Variants in SORBS2 observed in about 807,000 individuals in gnomAD.
SORBS2 encodes sorbin and SH3 domain containing 2, also known as sorbin and SH3 domain-containing protein 2.
SORBS2 carries 46 observed loss-of-function variants against 97.7 expected under a neutral mutation model. The ratio of observed to expected loss-of-function variants is 0.47; its 90% CI spans 0.37 to 0.60. The LOEUF is 0.60. Ranked by LOEUF, SORBS2 falls within the 20% of genes least tolerant of loss-of-function variation. The pLI, the probability that SORBS2 is intolerant of heterozygous loss-of-function variation, is 0.00. For synonymous variants in SORBS2, 476 were observed against 473.4 expected (o/e 1.01, Z -0.07); for missense variants, 1,316 against 1,282.3 (o/e 1.03, Z -0.40).
At chr4:185,912,868 ACACT>A (rs1017686378) in intron 1 of SORBS2, among the ~76,000 whole-genome samples, 5 of 152,178 alleles carry the variant, frequency 3.3e-5, no homozygotes, top group Admixed American at 3.3e-4. Flanking sequence ...ATAGCATTAA[ACACT>A]CACCTTCCCG....
At chr4:185,597,911 C>T (rs9991085) in intron 12 of SORBS2, among the ~76,000 whole-genome samples, 8,445 of 152,248 alleles carry the variant, frequency 0.055, 519 homozygotes, top group African/African-American at 0.14. Context: ...GTGGAATAGA[C>T]AGTCATCTGT....
intron 2 of SORBS2, among the ~76,000 whole-genome samples, chr4:185,705,875 A>G (rs1001764604): frequency 3.9e-5 from 6 of 152,128 alleles, no homozygotes; most frequent in Non-Finnish European, 2.9e-5. Flanking sequence ...GCTATTGGAC[A>G]TCTTGAATGT....
At chr4:185,652,810 T>C (rs986411782) in intron 1 of SORBS2, 82 bp from the exon 10 acceptor site, 1 of 1,036,574 alleles carries the variant, frequency 9.6e-7, no homozygotes. Context: ...CTCTATTTTA[T>C]GTTCTTAATA....
At chr4:185,682,739 A>C (rs11941643) in intron 2 of SORBS2, among the ~76,000 whole-genome samples, 1 of 152,096 alleles carries the variant, frequency 6.6e-6, no homozygotes, top group African/African-American at 2.4e-5. Flanking sequence ...GGCCAGGTGT[A>C]GTGGCTCAGG....
At chr4:185,616,305 G>C (rs1156561604) in intron 9 of SORBS2, among the ~76,000 whole-genome samples, 1 of 152,178 alleles carries the variant, frequency 6.6e-6, no homozygotes, top group Non-Finnish European at 1.5e-5. Context: ...TATATTAAAA[G>C]AATGATCACA....
intron 1 of SORBS2, among the ~76,000 whole-genome samples, chr4:185,806,184 GTGT>G (rs1040693557): frequency 6.6e-6 from 1 of 152,208 alleles, no homozygotes; most frequent in Non-Finnish European, 1.5e-5. Context: ...TGCCTCTGTG[GTGT>G]TACCTCTTCA....
Position 185,731,866 on chromosome 4 carries a change from CTATATATATATATATATATATATA to C in SORBS2, c.-198+43337_-198+43360del, listed in dbSNP as rs544211866. Among the ~76,000 whole-genome samples, 54 of 24,690 alleles carry C rather than the reference CTATATATATATATATATATATATA, an allele frequency of 2.2e-3. 1 individual carries two copies. Among genetic ancestry groups the C allele is most frequent in the Non-Finnish European group, 2.9e-3 (43 of 14,980 alleles). 16.2% of individuals were successfully genotyped at this position (24,690 alleles called of 152,430 possible). On this transcript the variant is annotated intron_variant, in intron 2 of 20. Transcript: ENST00000284776. The stretch of plus-strand genomic sequence containing the variant: ...TCTCTCTCTCTCTCTCTCTCTCTCT[CTATATATATATATATATATATATA>C]TATATATATATATATATATGTCTGT...
chr4:185,640,292 A>C (rs2097105363), intron 4 of SORBS2, among the ~76,000 whole-genome samples: 2 of 152,216 alleles, frequency 1.3e-5, no homozygotes, highest in Admixed American at 1.3e-4. Flanking sequence ...GTAGTTACAA[A>C]GGTATTACAA....
At chr4:185,856,721 G>C (rs2099220719) in intron 1 of SORBS2, among the ~76,000 whole-genome samples, 1 of 152,130 alleles carries the variant, frequency 6.6e-6, no homozygotes, top group Non-Finnish European at 1.5e-5. Context: ...TTCTCAGGTT[G>C]CTATAAGGAA....
At chr4:185,951,726 T>C (rs1416826753) in intron 1 of SORBS2, among the ~76,000 whole-genome samples, 1 of 152,226 alleles carries the variant, frequency 6.6e-6, no homozygotes, top group African/African-American at 2.4e-5. Context: ...CAGATTGTAT[T>C]GTGAAGTCAA....
At chr4:185,749,258 A>G (rs1299771614) in intron 2 of SORBS2, among the ~76,000 whole-genome samples, 1 of 152,168 alleles carries the variant, frequency 6.6e-6, no homozygotes, top group Non-Finnish European at 1.5e-5. Flanking sequence ...GCCATAGCTC[A>G]ACAGCCTGAT....
chr4:185,769,025 T>C (rs2098953922), intron 2 of SORBS2, among the ~76,000 whole-genome samples: 1 of 152,170 alleles, frequency 6.6e-6, no homozygotes, highest in South Asian at 2.1e-4. Flanking sequence ...AAATAATTGA[T>C]TTTAGGACTA....
At chr4:185,879,687 T>C (rs2099235909) in intron 1 of SORBS2, among the ~76,000 whole-genome samples, 1 of 138,572 alleles carries the variant, frequency 7.2e-6, no homozygotes, top group African/African-American at 2.6e-5. Context: ...ACCTGTTGTT[T>C]CCTGACTTTT....
At chr4:185,832,205 T>C in intron 1 of SORBS2, among the ~76,000 whole-genome samples, 1 of 152,236 alleles carries the variant, frequency 6.6e-6, no homozygotes, top group East Asian at 1.9e-4. Flanking sequence ...CATTCCCTTG[T>C]CTGGAATCTT....
exon 4 of SORBS2, chr4:185,646,780 T>C: frequency 6.4e-7 from 1 of 1,573,320 alleles, no homozygotes; most frequent in Non-Finnish European, 8.7e-7. Flanking sequence ...ATCCCAGTCA[T>C]GCCTAGAAAT....
At chr4:185,892,817 G>T (rs1027976128) in intron 1 of SORBS2, among the ~76,000 whole-genome samples, 11 of 152,140 alleles carry the variant, frequency 7.2e-5, no homozygotes, top group Non-Finnish European at 1.6e-4. Flanking sequence ...AGTTTTGGAA[G>T]ATGAAAAAAT....
chr4:185,813,569 C>T (rs894406556), intron 1 of SORBS2, among the ~76,000 whole-genome samples: 18 of 152,226 alleles, frequency 1.2e-4, no homozygotes, highest in African/African-American at 3.9e-4. Context: ...TGCCTTCGCC[C>T]TCAGCCTCCC....
At chr4:185,666,576 C>T (rs1457714072) in intron 4 of SORBS2, among the ~76,000 whole-genome samples, 2 of 152,178 alleles carry the variant, frequency 1.3e-5, no homozygotes, top group African/African-American at 4.8e-5. Flanking sequence ...CTAGAAAAAT[C>T]TAATAGCATA....
At chr4:185,767,499 C>CAAAAAAAAAAAAAAAA (rs70962594) in intron 2 of SORBS2, among the ~76,000 whole-genome samples, 1 of 60,698 alleles carries the variant, frequency 1.6e-5, no homozygotes, top group East Asian at 3.5e-4. Context: ...GACTCTGTCT[C>CAAAAAAAAAAAAAAAA]AAAAAAAAAA....
Sources: gnomAD v4.1 joint callset for allele counts (sites outside exome capture counted in the v4.1 genomes callset) on GRCh38, gnomAD v4.1.1 for gene constraint, MANE v1.5 for transcripts, NCBI Gene and HGNC (gene_info 2026-07-23, HGNC 2026-07-21) for gene names.